NOL4: variants seen among roughly 807,000 people sequenced by gnomAD.
The protein encoded by NOL4 is nucleolar protein 4, also known as cancer/testis antigen 125.
NOL4 carries 17 observed loss-of-function variants against 75.9 expected under a neutral mutation model. The ratio of observed to expected loss-of-function variants is 0.22; its 90% CI spans 0.15 to 0.34. The LOEUF (loss-of-function observed/expected upper bound fraction) is 0.34, where lower values mean the gene tolerates loss of function less well. Ranked by LOEUF, NOL4 falls within the 10% of genes least tolerant of loss-of-function variation. NOL4 has a pLI of 1.00. For missense variants in NOL4, 614 were observed against 793.5 expected (o/e 0.77, Z 2.72); for synonymous variants, 292 against 289.9 (o/e 1.01, Z -0.07).
intron 9 of NOL4, among the ~76,000 whole-genome samples, chr18:33,887,160 A>G (rs1051982373): frequency 3.5e-5 from 5 of 144,828 alleles, no homozygotes; most frequent in Non-Finnish European, 6.0e-5. Context: ...ATATATGTGT[A>G]TATATATATA....
intron 10 of NOL4, among the ~76,000 whole-genome samples, chr18:33,879,543 T>C (rs116688531): frequency 1.3e-5 from 2 of 151,908 alleles, no homozygotes; most frequent in African/African-American, 4.8e-5. Flanking sequence ...TAGCCCAGCA[T>C]GGAGGCATGC....
At position 33,958,253 on chromosome 18, in the gene NOL4, G is replaced by T; in HGVS notation, c.1222C>A (p.Leu408Met). ...NETDGVEAER[L>M]KAFNMFVRLF... The stretch of plus-strand genomic sequence containing the variant: ...GCAGGACTCACATTAAAAGCTTTCA[G>T]CCGCTCGGCTTCAACGCCGTCTGTC... The change falls in exon 7 of 11, where the codon CTG (leucine) becomes ATG (methionine). Residue 408 changes from leucine to methionine, a missense_variant. By Grantham distance (15) the Leu-to-Met change is conservative (BLOSUM62 2). Coordinates refer to ENST00000261592, the MANE Select transcript of NOL4 (RefSeq NM_003787.5). 6.2e-7 allele frequency: 1 copy of T among 1,613,262 alleles called. No individual in the cohort carries two copies. Among genetic ancestry groups the T allele is most frequent in the Non-Finnish European group, 8.5e-7 (1 of 1,179,496 alleles).
chr18:34,203,802 C>A (rs967508049), intron 1 of NOL4, among the ~76,000 whole-genome samples: 1 of 150,124 alleles, frequency 6.7e-6, no homozygotes, highest in African/African-American at 2.4e-5. Flanking sequence ...AGATCAACCC[C>A]AGCAAGTGGC....
At chr18:33,855,805 C>A (rs997785360) in intron 10 of NOL4, among the ~76,000 whole-genome samples, 1 of 151,730 alleles carries the variant, frequency 6.6e-6, no homozygotes, top group African/African-American at 2.4e-5. Context: ...TGTATATTTT[C>A]ATTTTACTTC....
At chr18:33,908,252 A>G (rs1438975619) in intron 9 of NOL4, among the ~76,000 whole-genome samples, 1 of 152,204 alleles carries the variant, frequency 6.6e-6, no homozygotes, top group African/African-American at 2.4e-5. Context: ...TGTCTTACAG[A>G]AAACTAGCCA....
intron 5 of NOL4, among the ~76,000 whole-genome samples, chr18:34,080,979 T>A (rs1438502496): frequency 6.6e-6 from 1 of 152,200 alleles, no homozygotes; most frequent in African/African-American, 2.4e-5. Flanking sequence ...AACTTATTTA[T>A]AAAATTTTCA....
At chr18:33,885,794 A>G (rs540982359) in intron 9 of NOL4, among the ~76,000 whole-genome samples, 1 of 152,308 alleles carries the variant, frequency 6.6e-6, no homozygotes, top group East Asian at 1.9e-4. Context: ...TTGCACTACC[A>G]TCTGATCCAG....
chr18:34,011,140 T>C (rs1434163987), intron 6 of NOL4, among the ~76,000 whole-genome samples: 1 of 151,732 alleles, frequency 6.6e-6, no homozygotes, highest in Admixed American at 6.6e-5. Context: ...TGATGGAAAC[T>C]CCAATTACAC....
intron 1 of NOL4, among the ~76,000 whole-genome samples, chr18:34,175,213 A>G (rs2033432424): frequency 6.6e-6 from 1 of 152,146 alleles, no homozygotes; most frequent in African/African-American, 2.4e-5. Context: ...ATCCTAAAGA[A>G]TTATCACATT....
At chr18:34,038,773 T>G (rs2076019839) in intron 5 of NOL4, among the ~76,000 whole-genome samples, 1 of 151,964 alleles carries the variant, frequency 6.6e-6, no homozygotes, top group South Asian at 2.1e-4. Context: ...AAGAGGTGGA[T>G]GAGTGGGTAT....
intron 10 of NOL4, among the ~76,000 whole-genome samples, chr18:33,857,817 T>C (rs2062906628): frequency 6.6e-6 from 1 of 152,120 alleles, no homozygotes; most frequent in Admixed American, 6.5e-5. Flanking sequence ...GGAATAACCA[T>C]ATGCTTTATG....
chr18:34,020,775 AC>A (rs1321806549), intron 5 of NOL4, among the ~76,000 whole-genome samples: 1 of 152,144 alleles, frequency 6.6e-6, no homozygotes, highest in African/African-American at 2.4e-5. Flanking sequence ...AAACACATAG[AC>A]AAAGATTACA....
At chr18:33,980,371 G>A (rs1029610678) in intron 6 of NOL4, among the ~76,000 whole-genome samples, 6 of 152,038 alleles carry the variant, frequency 3.9e-5, no homozygotes, top group Admixed American at 3.3e-4. Context: ...TTTCTACCAA[G>A]TTTTTAACAG....
At chr18:33,884,813 T>C (rs1432125701) in intron 9 of NOL4, among the ~76,000 whole-genome samples, 1 of 152,154 alleles carries the variant, frequency 6.6e-6, no homozygotes, top group Admixed American at 6.6e-5. Flanking sequence ...TAGTTTGCTC[T>C]ATTGAAACAG....
intron 6 of NOL4, among the ~76,000 whole-genome samples, chr18:34,006,614 C>A (rs1212227752): frequency 6.6e-6 from 1 of 152,060 alleles, no homozygotes; most frequent in Non-Finnish European, 1.5e-5. Flanking sequence ...GCCAAAGCTA[C>A]CATCCATGAA....
chr18:33,927,085 C>T (rs984641399), intron 9 of NOL4, among the ~76,000 whole-genome samples: 7 of 152,024 alleles, frequency 4.6e-5, no homozygotes, highest in Non-Finnish European at 8.8e-5. Context: ...AGAGACTAAC[C>T]AGAAACATGA....
intron 6 of NOL4, among the ~76,000 whole-genome samples, chr18:33,961,405 T>C (rs1448281235): frequency 6.6e-6 from 1 of 152,034 alleles, no homozygotes; most frequent in African/African-American, 2.4e-5. Flanking sequence ...AATTTGCCTA[T>C]TCTGCCTGAC....
At chr18:33,980,217 T>C (rs1297331533) in intron 6 of NOL4, among the ~76,000 whole-genome samples, 3 of 152,116 alleles carry the variant, frequency 2.0e-5, no homozygotes, top group South Asian at 4.2e-4. Context: ...GGAACCACTA[T>C]TGGAGAAGGA....
intron 9 of NOL4, among the ~76,000 whole-genome samples, chr18:33,900,488 G>A (rs188770154): frequency 2.3e-4 from 35 of 152,146 alleles, no homozygotes; most frequent in African/African-American, 5.1e-4. Flanking sequence ...AGCTACTGGC[G>A]TTGAGATAAA....
Sources: allele counts gnomAD v4.1 joint callset (sites outside exome capture counted in the v4.1 genomes callset), GRCh38; gene constraint gnomAD v4.1.1; transcripts MANE v1.5; gene names NCBI Gene and HGNC (gene_info 2026-07-23, HGNC 2026-07-21).